Variants in PPP2R2B observed in about 807,000 individuals in gnomAD.
PPP2R2B encodes protein phosphatase 2 regulatory subunit Bbeta, also known as serine/threonine-protein phosphatase 2A 55 kDa regulatory subunit B beta isoform.
In PPP2R2B, 5 loss-of-function variants were observed where a neutral mutation model predicts 46.0. The observed-to-expected ratio is 0.11, with a 90% CI of 0.06 to 0.23. The LOEUF (loss-of-function observed/expected upper bound fraction) is 0.23. Ranked by LOEUF, PPP2R2B falls within the 10% of genes least tolerant of loss-of-function variation. The pLI, the probability that PPP2R2B is intolerant of heterozygous loss-of-function variation, is 1.00. For synonymous variants in PPP2R2B, 215 were observed against 206.7 expected, an observed-to-expected ratio of 1.04 and a Z score of -0.34; for missense variants, 367 against 575.0, an observed-to-expected ratio of 0.64 and a Z score of 3.70.
intron 1 of PPP2R2B, among the ~76,000 whole-genome samples, chr5:146,923,554 G>A (rs779955649): frequency 6.6e-6 from 1 of 152,106 alleles, no homozygotes. Flanking sequence ...ATCCCTAGTG[G>A]GTTTGTCGGA....
rs541736309 is a variant in PPP2R2B, at chr5:146,697,809, T to C, written c.334+170A>G. ...TTTAAAAAACAGTAGTTACTATTTA[T>C]TGAGGGCCGAATCTGTGTGTGCCAG... On this transcript the variant is annotated intron_variant, in intron 4 of 9. Coordinates refer to ENST00000394411, the MANE Select transcript of PPP2R2B (RefSeq NM_181675.4). Among the ~76,000 whole-genome samples the C allele has an allele frequency of 4.6e-5, 7 of 152,312 alleles. No individual in the cohort carries two copies. In the South Asian group the frequency reaches 1.5e-3, roughly 32 times the overall value.
intron 1 of PPP2R2B, among the ~76,000 whole-genome samples, chr5:146,987,496 T>C (rs1168661651): frequency 2.0e-5 from 3 of 151,784 alleles, no homozygotes; most frequent in Non-Finnish European, 4.4e-5. Context: ...ATAAGATGAG[T>C]TAAAGAGTTT....
intron 5 of PPP2R2B, among the ~76,000 whole-genome samples, chr5:146,663,621 T>TTAAG (rs1654238866): frequency 6.6e-6 from 1 of 152,146 alleles, no homozygotes; most frequent in East Asian, 1.9e-4. Context: ...CTGTAGTCTA[T>TTAAG]TAAGTGTACA....
intron 1 of PPP2R2B, among the ~76,000 whole-genome samples, chr5:146,971,444 T>A (rs1376954445): frequency 1.3e-5 from 2 of 152,118 alleles, no homozygotes; most frequent in Non-Finnish European, 2.9e-5. Flanking sequence ...ATGTTGGGAG[T>A]CTTTTTTCCA....
At chr5:146,947,567 C>G (rs1362802853) in intron 1 of PPP2R2B, among the ~76,000 whole-genome samples, 1 of 152,014 alleles carries the variant, frequency 6.6e-6, no homozygotes, top group Non-Finnish European at 1.5e-5. Flanking sequence ...GTTGAGAGGC[C>G]AGAAGAAAGA....
chr5:146,654,570 T>C (rs1776198173), intron 5 of PPP2R2B, among the ~76,000 whole-genome samples: 1 of 151,982 alleles, frequency 6.6e-6, no homozygotes. Flanking sequence ...GTGGTGGGAG[T>C]CTTACAGTGG....
intron 1 of PPP2R2B, among the ~76,000 whole-genome samples, chr5:146,935,656 AAGG>A (rs1764114702): frequency 6.6e-6 from 1 of 152,156 alleles, no homozygotes; most frequent in Admixed American, 6.5e-5. Flanking sequence ...GAGCCAGGTA[AAGG>A]AGGATTGAAA....
chr5:146,820,641 T>C (rs1011318632), intron 2 of PPP2R2B, among the ~76,000 whole-genome samples: 1 of 152,184 alleles, frequency 6.6e-6, no homozygotes, highest in Admixed American at 6.5e-5. Flanking sequence ...AGGCTATACC[T>C]CTACTGAGCT....
chr5:146,972,865 T>C (rs1752726382), intron 1 of PPP2R2B, among the ~76,000 whole-genome samples: 1 of 152,188 alleles, frequency 6.6e-6, no homozygotes, highest in Non-Finnish European at 1.5e-5. Flanking sequence ...TCAATCTTAT[T>C]TTTGTCAGTT....
chr5:146,959,244 C>T (rs1387339504), intron 1 of PPP2R2B, among the ~76,000 whole-genome samples: 1 of 152,134 alleles, frequency 6.6e-6, no homozygotes, highest in Non-Finnish European at 1.5e-5. Context: ...CCTAACATGC[C>T]TTCTAGCATT....
intron 5 of PPP2R2B, among the ~76,000 whole-genome samples, chr5:146,678,035 A>T (rs745985264): frequency 6.6e-6 from 1 of 152,194 alleles, no homozygotes; most frequent in Non-Finnish European, 1.5e-5. Flanking sequence ...TGCTTCAAGA[A>T]GTCTCTAAAG....
intron 1 of PPP2R2B, among the ~76,000 whole-genome samples, chr5:147,029,879 G>A (rs1755701153): frequency 6.6e-6 from 1 of 151,124 alleles, no homozygotes; most frequent in African/African-American, 2.4e-5. Context: ...AATCTCTATT[G>A]TTGAAGCTAC....
intron 1 of PPP2R2B, among the ~76,000 whole-genome samples, chr5:146,961,734 A>G (rs1752180432): frequency 6.6e-6 from 1 of 152,146 alleles, no homozygotes; most frequent in African/African-American, 2.4e-5. Context: ...TCAGCCCAAA[A>G]TCTGCCCAAC....
intron 9 of PPP2R2B, among the ~76,000 whole-genome samples, chr5:146,592,546 A>T (rs1770761265): frequency 6.6e-6 from 1 of 152,232 alleles, no homozygotes; most frequent in African/African-American, 2.4e-5. Context: ...GAATTCAGTT[A>T]ATGAACTACC....
upstream of PPP2R2B, among the ~76,000 whole-genome samples, chr5:146,881,256 G>A (rs922223697): frequency 4.3e-4 from 66 of 152,120 alleles, no homozygotes; most frequent in African/African-American, 1.6e-3. Context: ...CTTCGTTGAG[G>A]CATTCCCTGA....
upstream of PPP2R2B, among the ~76,000 whole-genome samples, chr5:147,056,493 G>A (rs995064769): frequency 2.0e-5 from 3 of 152,040 alleles, no homozygotes; most frequent in African/African-American, 7.2e-5. Flanking sequence ...CAATAACTTA[G>A]TTCTGAGTTA....
intron 9 of PPP2R2B, among the ~76,000 whole-genome samples, 172 bp from the exon 10 acceptor site, chr5:146,590,398 G>GTTTTTTTTTTTTTT (rs1221281341): frequency 2.6e-5 from 3 of 113,422 alleles, no homozygotes; most frequent in Non-Finnish European, 3.7e-5. Flanking sequence ...TTTTTTTTGT[G>GTTTTTTTTTTTTTT]TTTTTTTTTT....
intron 2 of PPP2R2B, among the ~76,000 whole-genome samples, chr5:146,749,897 C>A (rs915671345): frequency 6.6e-6 from 1 of 152,016 alleles, no homozygotes; most frequent in Admixed American, 6.6e-5. Context: ...TGCGCCTGGC[C>A]AATTTCCTTT....
At chr5:146,657,125 A>G (rs932125276) in intron 5 of PPP2R2B, among the ~76,000 whole-genome samples, 1 of 152,192 alleles carries the variant, frequency 6.6e-6, no homozygotes, top group East Asian at 1.9e-4. Flanking sequence ...AGCAGAGTAG[A>G]GCCCTAGAAA....
Sources: gnomAD v4.1 joint callset for allele counts (sites outside exome capture counted in the v4.1 genomes callset) on GRCh38, gnomAD v4.1.1 for gene constraint, MANE v1.5 for transcripts, NCBI Gene and HGNC (gene_info 2026-07-23, HGNC 2026-07-21) for gene names.